The following B4GALT6 variants were observed in gnomAD, a reference collection of about 807,000 sequenced individuals.
B4GALT6 encodes beta-1,4-galactosyltransferase 6.
In B4GALT6, 14 loss-of-function variants were observed where a neutral mutation model predicts 46.3. The observed-to-expected ratio is 0.30, with a 90% confidence interval of 0.20 to 0.47. The LOEUF is 0.47. Ranked by LOEUF, B4GALT6 falls within the 20% of genes least tolerant of loss-of-function variation. B4GALT6 has a pLI of 0.99. For synonymous variants in B4GALT6, 168 were observed against 162.0 expected (o/e 1.04, Z -0.28); for missense variants, 386 against 480.1 (o/e 0.80, Z 1.83).
the B4GALT6 span, chr18:31,724,435 G>C: frequency 1.9e-6 from 2 of 1,041,074 alleles, 1 homozygote; most frequent in Admixed American, 9.8e-5. Context: ...TCTCCCACGC[G>C]AATCGCCGCC....
Position 31,624,177 on chromosome 18 carries a change from C to T in B4GALT6, c.*1437G>A, listed in dbSNP as rs2073655817. On this transcript the variant is annotated 3_prime_UTR_variant, in exon 9 of 9. Coordinates refer to ENST00000306851, the MANE Select transcript of B4GALT6 (RefSeq NM_004775.5). ...TGAAGATAACTGGACAAAGCCCTGA[C>T]ACTCATGCAAACATGTAAGATATTA... 1 of 151,998 alleles carries T rather than the reference C, an allele frequency of 6.6e-6. No individual in the cohort carries two copies. The highest frequency in any genetic ancestry group is 1.5e-5 in the Non-Finnish European group (1 of 67,872). 9.4% of individuals were successfully genotyped at this position (151,998 alleles called of 1,614,324 possible).
intron 5 of B4GALT6, 84 bp downstream of exon 5, chr18:31,638,560 T>C: frequency 1.7e-6 from 2 of 1,147,728 alleles, no homozygotes; most frequent in South Asian, 1.4e-5. Context: ...ACTTACCTTA[T>C]TAATCCTAAA....
chr18:31,638,743 A>T lies in B4GALT6; in HGVS notation c.489T>A (p.Pro163=). The T allele has an allele frequency of 1.2e-6, 2 of 1,613,620 alleles. No individual in the cohort carries two copies. The highest frequency in any genetic ancestry group is 1.7e-6 in the Non-Finnish European group (2 of 1,179,514). The change falls in exon 5 of 9, where the codon CCT becomes CCA. Residue 163 remains proline (P), a synonymous_variant. Coordinates refer to ENST00000306851, the MANE Select transcript of B4GALT6 (RefSeq NM_004775.5). The part of the protein sequence containing the change: ...KPRWKVAVLI[P]FRNRHEHLPI... ...GAAGATGTTCATGGCGATTACGGAAAGGAATGAGAACTGCCACCTTTAAAA... is the reference window on the plus strand; with the variant it reads ...GAAGATGTTCATGGCGATTACGGAATGGAATGAGAACTGCCACCTTTAAAA...
intron 1 of B4GALT6, among the ~76,000 whole-genome samples, chr18:31,670,141 C>T (rs1341495174): frequency 6.6e-6 from 1 of 151,892 alleles, no homozygotes; most frequent in African/African-American, 2.4e-5. Context: ...GTAACCTCCA[C>T]CTCCTGGGCT....
chr18:31,689,502 T>C (rs959946717), upstream of B4GALT6, among the ~76,000 whole-genome samples: 1 of 152,142 alleles, frequency 6.6e-6, no homozygotes, highest in African/African-American at 2.4e-5. Flanking sequence ...CCCAGCACTT[T>C]GGGAGACCAA....
intron 1 of B4GALT6, among the ~76,000 whole-genome samples, chr18:31,683,148 T>C (rs2074500636): frequency 6.6e-6 from 1 of 152,190 alleles, no homozygotes; most frequent in African/African-American, 2.4e-5. Flanking sequence ...AAAGAAAAAG[T>C]CTCATAGTAA....
chr18:31,625,623 T>C lies in B4GALT6; in HGVS notation c.1140A>G (p.Glu380=). 6.2e-7 allele frequency: 1 copy of C among 1,613,512 alleles called. No individual in the cohort carries two copies. The highest frequency in any genetic ancestry group is 1.1e-5 in the South Asian group (1 of 90,926). The change falls in exon 9 of 9, where the codon GAA becomes GAG. Residue 380 remains glutamate (E), a synonymous_variant. Coordinates refer to ENST00000306851, the MANE Select transcript of B4GALT6 (RefSeq NM_004775.5). Reference sequence around the variant, plus strand: ...ACGACAGCCACTTCTTTTAATAGTCTTCGATTGGAGCTAACTCTGGCATGA... The same window carrying C: ...ACGACAGCCACTTCTTTTAATAGTCCTCGATTGGAGCTAACTCTGGCATGA... The part of the protein sequence containing the change: ...VNLMPELAPI[E]DY
chr18:31,669,015 CAAAAA>C (rs34372600), intron 1 of B4GALT6, among the ~76,000 whole-genome samples: 2 of 101,050 alleles, frequency 2.0e-5, no homozygotes. Flanking sequence ...GACCCTGTGT[CAAAAA>C]AAAAAAAAAA....
At chr18:31,688,583 C>A (rs1236603798), upstream of B4GALT6, among the ~76,000 whole-genome samples, 2 of 152,130 alleles carry the variant, frequency 1.3e-5, no homozygotes, top group Non-Finnish European at 2.9e-5. Flanking sequence ...AAATTTCTTA[C>A]TAATCTCAAA....
chr18:31,625,523 G>A lies in B4GALT6; in HGVS notation c.*91C>T, dbSNP rs1567954916. The stretch of plus-strand genomic sequence containing the variant: ...GGCTCTTCTCAGAGAAAAGGGCACT[G>A]TGACACAGCCAATCACTGACCTCCA... On this transcript the variant is annotated 3_prime_UTR_variant, in exon 9 of 9. Transcript: ENST00000306851. The A allele has an allele frequency of 1.4e-6, 2 of 1,436,632 alleles. No homozygotes were observed. The highest frequency in any genetic ancestry group is 4.6e-5 in the East Asian group (2 of 43,674). The allele number at this position is 1,436,632 out of a possible 1,614,324, so 89.0% of individuals were successfully genotyped here.
chr18:31,715,508 A>T, the B4GALT6 span, among the ~76,000 whole-genome samples: 1 of 141,506 alleles, frequency 7.1e-6, no homozygotes, highest in Non-Finnish European at 1.5e-5. Flanking sequence ...GATTACAGGC[A>T]TGAGCCACAG....
upstream of B4GALT6, among the ~76,000 whole-genome samples, chr18:31,689,233 A>AG (rs1236400821): frequency 6.6e-6 from 1 of 152,202 alleles, no homozygotes; most frequent in Admixed American, 6.5e-5. Flanking sequence ...GCCAAACAAT[A>AG]GCCACTGACT....
chr18:31,660,802 C>T (rs1567975153), intron 2 of B4GALT6, among the ~76,000 whole-genome samples: 1 of 152,046 alleles, frequency 6.6e-6, no homozygotes, highest in African/African-American at 2.4e-5. Context: ...ATATTCCATA[C>T]TGATAGGACT....
intron 6 of B4GALT6, among the ~76,000 whole-genome samples, 173 bp downstream of exon 6, chr18:31,630,786 G>A (rs960436369): frequency 2.9e-4 from 44 of 152,082 alleles, no homozygotes; most frequent in African/African-American, 1.1e-3. Flanking sequence ...GCACCCAGGG[G>A]AACGAAAAGC....
In B4GALT6 at chr18:31,658,074, T is replaced by C. The variant is rs763875463; in HGVS notation, c.248A>G (p.Asn83Ser). Reference sequence around the variant, plus strand: ...TTGAACAAGATAATCACTTGAATTATTGCCTTCGGGATAATCTTGGAAAGA... The same window carrying C: ...TTGAACAAGATAATCACTTGAATTACTGCCTTCGGGATAATCTTGGAAAGA... Reference protein sequence around the residue: ...TLNGTDYPEGNNSSDYLVQTT... With the variant: ...TLNGTDYPEGSNSSDYLVQTT... The change falls in exon 3 of 9, where the codon AAT becomes AGT. Residue 83 changes from asparagine to serine, a missense_variant. This residue lies in a region of B4GALT6 where 323 missense variants were observed against 438.9 expected (regional missense o/e 0.74). Coordinates refer to ENST00000306851, the MANE Select transcript of B4GALT6 (RefSeq NM_004775.5). The C allele has an allele frequency of 1.1e-5, 18 of 1,612,220 alleles. No homozygotes were observed. The highest frequency in any genetic ancestry group is 3.3e-5 in the South Asian group (3 of 90,848).
chr18:31,657,590 T>C (rs979899551), intron 3 of B4GALT6, among the ~76,000 whole-genome samples: 2 of 152,148 alleles, frequency 1.3e-5, no homozygotes, highest in Admixed American at 6.5e-5. Context: ...GCACTGGGGA[T>C]GGTGGTCAAA....
At chr18:31,688,096 A>G (rs148578031), upstream of B4GALT6, among the ~76,000 whole-genome samples, 19 of 152,196 alleles carry the variant, frequency 1.2e-4, no homozygotes, top group Admixed American at 8.5e-4. Context: ...GTTTAAATGC[A>G]TAGTCTCAGC....
At chr18:31,693,905 C>A in the B4GALT6 span, among the ~76,000 whole-genome samples, 1 of 152,072 alleles carries the variant, frequency 6.6e-6, no homozygotes, top group Non-Finnish European at 1.5e-5. Flanking sequence ...GAGGTTGAGG[C>A]TGCAGTGAGC....
intron 2 of B4GALT6, among the ~76,000 whole-genome samples, chr18:31,665,565 C>T (rs948193480): frequency 1.3e-5 from 2 of 151,870 alleles, no homozygotes; most frequent in African/African-American, 4.8e-5. Flanking sequence ...TGGTGAAACC[C>T]CGTCTCTATC....
Sources: gnomAD v4.1 joint callset for allele counts (sites outside exome capture counted in the v4.1 genomes callset) on GRCh38, gnomAD v4.1.1 for gene constraint, gnomAD v4.1.1 regional missense constraint, MANE v1.5 for transcripts, NCBI Gene and HGNC (gene_info 2026-07-23, HGNC 2026-07-21) for gene names.